DCAF8L2: variants seen among roughly 807,000 people sequenced by gnomAD.
The protein encoded by DCAF8L2 is DDB1- and CUL4-associated factor 8-like protein 2.
For synonymous variants in DCAF8L2, 200 were observed against 190.9 expected (o/e 1.05, Z -0.39); for missense variants, 430 against 490.7 (o/e 0.88, Z 1.17).
At chrX:27,681,161 T>TTTGGGCTTGACA (rs757504441) in intron 3 of DCAF8L2, among the ~76,000 whole-genome samples, 73 of 111,063 alleles carry the variant, frequency 6.6e-4, no homozygotes, top group African/African-American at 2.3e-3. Context: ...TCTGTGTAAG[T>TTTGGGCTTGACA]TTGGGCTTGA....
the DCAF8L2 span, among the ~76,000 whole-genome samples, chrX:27,481,037 G>A: frequency 8.9e-6 from 1 of 111,818 alleles, no homozygotes; most frequent in African/African-American, 3.3e-5. Context: ...GGCATGAGAA[G>A]AAGTACATAA....
intron 1 of DCAF8L2, among the ~76,000 whole-genome samples, chrX:27,628,380 C>G (rs2147166973): frequency 8.9e-6 from 1 of 111,879 alleles, no homozygotes; most frequent in Admixed American, 9.5e-5. Context: ...TGAAATAATG[C>G]TGCAATGAAC....
At chrX:27,547,861 C>CTT in the DCAF8L2 span, among the ~76,000 whole-genome samples, 4 of 70,232 alleles carry the variant, frequency 5.7e-5, no homozygotes. Context: ...CTCTCTCTCT[C>CTT]TCTCTCTCTT....
At chrX:27,645,529 C>G (rs1928904809) in intron 2 of DCAF8L2, among the ~76,000 whole-genome samples, 1 of 111,924 alleles carries the variant, frequency 8.9e-6, no homozygotes, top group Non-Finnish European at 1.9e-5. Context: ...CCTCTCTCAC[C>G]ACTCTTATTC....
the DCAF8L2 span, among the ~76,000 whole-genome samples, chrX:27,553,205 T>C: frequency 0.093 from 10,397 of 111,268 alleles, 385 homozygotes; most frequent in Non-Finnish European, 0.12. Context: ...CCATGTGCTA[T>C]TGAGATGAAT....
the DCAF8L2 span, among the ~76,000 whole-genome samples, chrX:27,532,073 A>G: frequency 9.0e-6 from 1 of 110,655 alleles, no homozygotes; most frequent in South Asian, 3.9e-4. Context: ...ATATATATAT[A>G]TATATATTTC....
chrX:27,491,639 G>A, the DCAF8L2 span, among the ~76,000 whole-genome samples: 1 of 111,924 alleles, frequency 8.9e-6, no homozygotes, highest in Non-Finnish European at 1.9e-5. Flanking sequence ...TGATGATTTC[G>A]AAACTGCAAA....
chrX:27,502,637 T>C, the DCAF8L2 span, among the ~76,000 whole-genome samples: 2 of 109,412 alleles, frequency 1.8e-5, no homozygotes, highest in Non-Finnish European at 3.8e-5. Context: ...CATAAGCTAC[T>C]TGCTTAACTT....
the DCAF8L2 span, among the ~76,000 whole-genome samples, chrX:27,542,616 C>G: frequency 2.2e-5 from 2 of 90,383 alleles, no homozygotes; most frequent in Non-Finnish European, 4.3e-5. Context: ...GATCTCGGCT[C>G]ACTGCAAGCT....
chrX:27,612,604 T>C (rs1049643320), intron 1 of DCAF8L2, among the ~76,000 whole-genome samples: 1 of 112,217 alleles, frequency 8.9e-6, no homozygotes, highest in Non-Finnish European at 1.9e-5. Flanking sequence ...CTTTATTCCA[T>C]CTTGAATTAA....
At chrX:27,659,672 T>A (rs1469017370) in intron 2 of DCAF8L2, among the ~76,000 whole-genome samples, 1 of 111,570 alleles carries the variant, frequency 9.0e-6, no homozygotes, top group East Asian at 2.8e-4. Context: ...AAAACCTTTC[T>A]TCAAGGTCAG....
At chrX:27,491,040 T>C in the DCAF8L2 span, among the ~76,000 whole-genome samples, 1 of 112,354 alleles carries the variant, frequency 8.9e-6, no homozygotes, top group Non-Finnish European at 1.9e-5. Context: ...TTTGCAGATA[T>C]TTTTTCCCCT....
At chrX:27,720,434 C>T (rs1394324143) in intron 4 of DCAF8L2, among the ~76,000 whole-genome samples, 1 of 110,456 alleles carries the variant, frequency 9.1e-6, no homozygotes, top group Non-Finnish European at 1.9e-5. Context: ...ACTGCAGTGG[C>T]GCAATCTCGG....
chrX:27,671,250 C>T (rs1442675495), intron 2 of DCAF8L2, among the ~76,000 whole-genome samples: 1 of 112,088 alleles, frequency 8.9e-6, no homozygotes, highest in African/African-American at 3.2e-5. Context: ...GAGTACCTTT[C>T]TACATACAGT....
chrX:27,623,343 T>C (rs1303257858), intron 1 of DCAF8L2, among the ~76,000 whole-genome samples: 2 of 110,850 alleles, frequency 1.8e-5, no homozygotes. Context: ...GAAATATGAA[T>C]GCAGAGAAGA....
the DCAF8L2 span, among the ~76,000 whole-genome samples, chrX:27,483,169 A>C: frequency 1.8e-5 from 2 of 111,420 alleles, no homozygotes; most frequent in African/African-American, 6.5e-5. Context: ...TATGGATGTC[A>C]AATGCAAAAT....
chrX:27,698,287 G>A (rs1931003509), intron 3 of DCAF8L2, among the ~76,000 whole-genome samples: 1 of 111,219 alleles, frequency 9.0e-6, no homozygotes, highest in South Asian at 3.8e-4. Context: ...AACAACTGTT[G>A]CATCCCTTTT....
At chrX:27,565,942 C>A in the DCAF8L2 span, among the ~76,000 whole-genome samples, 1 of 110,749 alleles carries the variant, frequency 9.0e-6, no homozygotes, top group Admixed American at 9.7e-5. Context: ...GGATTTCTGA[C>A]AGCTCCACCC....
At chrX:27,714,401 T>C (rs938545594) in intron 3 of DCAF8L2, among the ~76,000 whole-genome samples, 7 of 111,084 alleles carry the variant, frequency 6.3e-5, no homozygotes, top group African/African-American at 2.0e-4. Flanking sequence ...TTGAGACTGT[T>C]CTAAAAGTGC....
Sources: allele counts gnomAD v4.1 joint callset (sites outside exome capture counted in the v4.1 genomes callset), GRCh38; gene constraint gnomAD v4.1.1; transcripts MANE v1.5; gene names NCBI Gene and HGNC (gene_info 2026-07-23, HGNC 2026-07-21).